The following SLC15A2 variants were observed in gnomAD, a reference collection of about 807,000 sequenced individuals.
SLC15A2 encodes the protein solute carrier family 15 member 2.
SLC15A2 carries 77 observed loss-of-function variants against 95.5 expected under a neutral mutation model. That is an observed-to-expected ratio of 0.81 (90% confidence interval 0.67 to 0.97). The LOEUF is 0.97. SLC15A2 is among the 50% of genes least tolerant of loss of function. The pLI is 0.00. For missense variants in SLC15A2, 893 were observed against 874.4 expected, an observed-to-expected ratio of 1.02 and a Z score of -0.27; for synonymous variants, 306 against 306.9, an observed-to-expected ratio of 1.00 and a Z score of 0.03.
intron 3 of SLC15A2, among the ~76,000 whole-genome samples, chr3:121,910,485 G>A (rs773122172): frequency 2.0e-5 from 3 of 152,090 alleles, no homozygotes; most frequent in South Asian, 2.1e-4. Flanking sequence ...GTGAGCCACC[G>A]TGCCCTAGTC....
At chr3:121,923,524 A>G (rs1453498337) in intron 11 of SLC15A2, among the ~76,000 whole-genome samples, 1 of 152,170 alleles carries the variant, frequency 6.6e-6, no homozygotes, top group Non-Finnish European at 1.5e-5. Context: ...CTAGCAAATG[A>G]TGTGATGCGT....
intron 3 of SLC15A2, among the ~76,000 whole-genome samples, chr3:121,910,786 G>A (rs573832578): frequency 1.8e-4 from 28 of 152,296 alleles, no homozygotes; most frequent in African/African-American, 6.5e-4. Flanking sequence ...ATGTTGTAGT[G>A]CGCCATATTT....
intron 3 of SLC15A2, among the ~76,000 whole-genome samples, chr3:121,903,024 T>C (rs1035583690): frequency 6.6e-6 from 1 of 152,256 alleles, no homozygotes; most frequent in African/African-American, 2.4e-5. Flanking sequence ...TGCTGTCTCC[T>C]GCCTTTTTAA....
chr3:121,939,774 T>C (rs764553207), intron 20 of SLC15A2, among the ~76,000 whole-genome samples: 1 of 152,048 alleles, frequency 6.6e-6, no homozygotes, highest in Non-Finnish European at 1.5e-5. Flanking sequence ...CATGACCTAT[T>C]GTGTAACCTT....
intron 17 of SLC15A2, among the ~76,000 whole-genome samples, chr3:121,930,342 A>G (rs1432223043): frequency 1.3e-5 from 2 of 152,030 alleles, no homozygotes; most frequent in Non-Finnish European, 2.9e-5. Flanking sequence ...ATAATAACCT[A>G]CTCTGGGCTG....
Position 121,915,333 on chromosome 3 carries a change from A to AG in SLC15A2, c.619+20dup. The AG allele has an allele frequency of 7.0e-7, 1 of 1,436,446 alleles. No homozygotes were observed. The highest frequency in any genetic ancestry group is 9.8e-7 in the Non-Finnish European group (1 of 1,019,340). 89.0% of individuals were successfully genotyped at this position (1,436,446 alleles called of 1,614,324 possible). A position where few individuals can be genotyped will look rare whatever the true frequency, so the allele number is the denominator to read the frequency against. Reference sequence around the variant, plus strand: ...ATGCTGAGAGGTTAGGATTTTTTTGAGGGGCCCTGTATAAGGCTTTGCTCT... The same window carrying AG: ...ATGCTGAGAGGTTAGGATTTTTTTGAGGGGGCCCTGTATAAGGCTTTGCTCT... On this transcript the variant is annotated intron_variant, in intron 6 of 21. Coordinates refer to ENST00000489711, the MANE Select transcript of SLC15A2 (RefSeq NM_021082.4).
intron 3 of SLC15A2, among the ~76,000 whole-genome samples, chr3:121,904,575 T>G (rs1196336712): frequency 1.3e-5 from 2 of 152,252 alleles, no homozygotes; most frequent in East Asian, 3.8e-4. Context: ...TGTTGATTTT[T>G]GTCGAAGGCC....
Position 121,929,309 on chromosome 3 carries a change from A to G in SLC15A2, c.1514A>G (p.Asp505Gly). 3 of 1,613,980 alleles carry G rather than the reference A, an allele frequency of 1.9e-6. No homozygotes were observed. Among genetic ancestry groups the G allele is most frequent in the South Asian group, 1.1e-5 (1 of 91,070 alleles). Residue 505 changes from aspartate (D) to glycine (G), a missense_variant, in exon 17 of 22, where the codon GAT becomes GGT. Coordinates refer to ENST00000489711, the MANE Select transcript of SLC15A2 (RefSeq NM_021082.4). ...GNSISSMMVKDTESRTTNGMT... is the reference protein window; with the variant it reads ...GNSISSMMVKGTESRTTNGMT... ...TACTTTCCTCTGTTGTAGGTAAAGGATACAGAAAGCAGAACAACCAATGGG... is the reference window on the plus strand; with the variant it reads ...TACTTTCCTCTGTTGTAGGTAAAGGGTACAGAAAGCAGAACAACCAATGGG...
At chr3:121,907,103 CT>C (rs1373606858) in intron 3 of SLC15A2, among the ~76,000 whole-genome samples, 1 of 152,146 alleles carries the variant, frequency 6.6e-6, no homozygotes, top group Admixed American at 6.5e-5. Context: ...TTTATTTGAT[CT>C]TCCATCACTG....
At position 121,912,561 on chromosome 3, in the gene SLC15A2, T is replaced by C. The variant is rs529896546; in HGVS notation, c.429-460T>C. Among the ~76,000 whole-genome samples the C allele has an allele frequency of 4.6e-5, 7 of 152,308 alleles. No homozygotes were observed. The South Asian group carries it at 8.3e-4, about 18-fold the overall frequency. The stretch of plus-strand genomic sequence containing the variant: ...ATATTTAATAAATATTACTTTCTTA[T>C]TGGTGTCCCGTCAAAAATCTTTGAC... On this transcript the variant is annotated intron_variant, in intron 4 of 21. Transcript: ENST00000489711.
chr3:121,898,721 T>C (rs1709467195), intron 3 of SLC15A2, among the ~76,000 whole-genome samples: 1 of 152,188 alleles, frequency 6.6e-6, no homozygotes, highest in African/African-American at 2.4e-5. Context: ...AAAATCTCCA[T>C]AGAAGGTTGT....
intron 3 of SLC15A2, among the ~76,000 whole-genome samples, chr3:121,904,032 A>G (rs1237726387): frequency 6.6e-6 from 1 of 151,994 alleles, no homozygotes; most frequent in Non-Finnish European, 1.5e-5. Flanking sequence ...TCATTGAGCA[A>G]TGGTTTGTAG....
At chr3:121,918,770 C>T (rs972580509) in intron 7 of SLC15A2, among the ~76,000 whole-genome samples, 20 of 152,156 alleles carry the variant, frequency 1.3e-4, no homozygotes, top group African/African-American at 4.8e-4. Context: ...ATAAGGGTGA[C>T]AGATGTCTAT....
At chr3:121,940,600 C>T (rs1277970050) in intron 21 of SLC15A2, 112 bp downstream of exon 21, 2 of 960,186 alleles carry the variant, frequency 2.1e-6, no homozygotes, top group Non-Finnish European at 3.2e-6. Flanking sequence ...AGTGCTGTGA[C>T]ATGAAATGGG....
At chr3:121,910,791 A>G (rs1464517192) in intron 3 of SLC15A2, among the ~76,000 whole-genome samples, 6 of 152,334 alleles carry the variant, frequency 3.9e-5, no homozygotes, top group African/African-American at 1.4e-4. Context: ...GTAGTGCGCC[A>G]TATTTCAATG....
rs1029066257 is a variant in SLC15A2 at position 121,940,579 on chromosome 3, A to T, written c.2013+91A>T. The stretch of plus-strand genomic sequence containing the variant: ...TTTCCCCCATCTCTCTGCTTCCCAC[A>T]TTCCCCATTCAGTGCTGTGACATGA... On this transcript the variant is annotated intron_variant, in intron 21 of 21. Transcript: ENST00000489711. The T allele has an allele frequency of 9.2e-6, 10 of 1,090,670 alleles. No individual in the cohort carries two copies. In the African/African-American group the frequency reaches 9.2e-5, roughly 10 times the overall value. 67.6% of individuals were successfully genotyped at this position (1,090,670 alleles called of 1,614,324 possible).
intron 3 of SLC15A2, among the ~76,000 whole-genome samples, chr3:121,907,527 A>T (rs1206682610): frequency 6.6e-6 from 1 of 152,018 alleles, no homozygotes; most frequent in Non-Finnish European, 1.5e-5. Context: ...TGACCTACAG[A>T]TGGGGTTTTG....
At chr3:121,931,568 C>CT (rs1710233220) in intron 18 of SLC15A2, 71 bp from the exon 19 acceptor site, 1 of 939,228 alleles carries the variant, frequency 1.1e-6, no homozygotes. Flanking sequence ...GATGAGATCA[C>CT]TTTCACCTGG....
chr3:121,936,309 C>T (rs1189683433), intron 19 of SLC15A2, among the ~76,000 whole-genome samples: 1 of 152,056 alleles, frequency 6.6e-6, no homozygotes, highest in Non-Finnish European at 1.5e-5. Flanking sequence ...AGTTCAATTC[C>T]TGGGTGTCCT....
Sources: allele counts gnomAD v4.1 joint callset (sites outside exome capture counted in the v4.1 genomes callset), GRCh38; gene constraint gnomAD v4.1.1; transcripts MANE v1.5; gene names NCBI Gene and HGNC (gene_info 2026-07-23, HGNC 2026-07-21).